Variants in RILPL2 observed in about 807,000 individuals in gnomAD.
RILPL2 encodes the protein RILP-like protein 2.
Under a neutral mutation model 22.2 loss-of-function variants are expected in RILPL2, and 19 were observed. The ratio of observed to expected loss-of-function variants is 0.86; its 90% CI spans 0.60 to 1.25. RILPL2 has a LOEUF of 1.25. Among genes scored for constraint, RILPL2 ranks in the 50% most tolerant of loss-of-function variants. The probability of loss-of-function intolerance (pLI) is 0.00; values close to 1 mark genes in which losing one functional copy is unlikely to be tolerated. For synonymous variants in RILPL2, 123 were observed against 111.6 expected (o/e 1.10, Z -0.64); for missense variants, 243 against 263.6 (o/e 0.92, Z 0.54).
Position 123,436,045 on chromosome 12 carries a change from G to A in RILPL2, c.339+37C>T, listed in dbSNP as rs1180048531. The A allele has an allele frequency of 6.5e-7, 1 of 1,543,910 alleles. No homozygotes were observed. Among genetic ancestry groups the A allele is most frequent in the Admixed American group, 2.0e-5 (1 of 50,640 alleles). On this transcript the variant is annotated intron_variant, in intron 1 of 3. Coordinates refer to ENST00000280571, the MANE Select transcript of RILPL2 (RefSeq NM_145058.3). This position sits in a 1 kb window ranked among gnomAD's most constrained non-coding sequence, Gnocchi z 6.7. The stretch of plus-strand genomic sequence containing the variant: ...AGTAGGTGCCCTCCTACGCCCCGCA[G>A]GCGCCGTGGGCCCGGAACCCTCGCT...
intron 3 of RILPL2, among the ~76,000 whole-genome samples, chr12:123,419,988 G>A (rs1005517769): frequency 4.3e-5 from 6 of 141,084 alleles, no homozygotes; most frequent in African/African-American, 1.6e-4. Context: ...ACCACACCCA[G>A]CTAATTTTTG....
intron 1 of RILPL2, among the ~76,000 whole-genome samples, chr12:123,434,397 G>C (rs2139255704): frequency 6.6e-6 from 1 of 151,870 alleles, no homozygotes; most frequent in East Asian, 1.9e-4. Flanking sequence ...CAGCCTGGAT[G>C]ACAGAGAAAG....
intron 3 of RILPL2, among the ~76,000 whole-genome samples, chr12:123,422,026 A>T (rs1288101784): frequency 8.2e-6 from 1 of 122,310 alleles, no homozygotes; most frequent in African/African-American, 3.1e-5. Flanking sequence ...TTTTTGAGAT[A>T]GGGTCACGCT....
Position 123,415,551 on chromosome 12 carries a change from C to T in RILPL2, c.*340G>A. ...TCTGCTAACCATTGAAGACCAGGGT[C>T]ATCCGTGGGAGCAGATGAGTAGGAC... On this transcript the variant is annotated 3_prime_UTR_variant, in exon 4 of 4. Coordinates refer to ENST00000280571, the MANE Select transcript of RILPL2 (RefSeq NM_145058.3). The T allele has an allele frequency of 3.1e-6, 1 of 318,454 alleles. No individual in the cohort carries two copies. Among genetic ancestry groups the T allele is most frequent in the East Asian group, 5.4e-5 (1 of 18,562 alleles). 19.7% of individuals were successfully genotyped at this position (318,454 alleles called of 1,614,324 possible).
chr12:123,424,878 A>T (rs1447369949), intron 2 of RILPL2, among the ~76,000 whole-genome samples: 2 of 151,612 alleles, frequency 1.3e-5, no homozygotes, highest in Non-Finnish European at 2.9e-5. Context: ...ATTTTTAAAA[A>T]TTTTCATTTA....
intron 3 of RILPL2, among the ~76,000 whole-genome samples, chr12:123,419,089 C>T (rs1355075560): frequency 6.6e-6 from 1 of 150,826 alleles, no homozygotes; most frequent in East Asian, 1.9e-4. Flanking sequence ...CGGCTCACTG[C>T]AAGCTCTGCC....
At chr12:123,416,016 G>A (rs1879107371) in intron 3 of RILPL2, 95 bp from the exon 4 acceptor site, 8 of 1,251,506 alleles carry the variant, frequency 6.4e-6, no homozygotes, top group Non-Finnish European at 9.4e-6. Context: ...TCTTGCAGCT[G>A]TTGACTCAAA....
chr12:123,427,204 G>A (rs1175410902), intron 2 of RILPL2, among the ~76,000 whole-genome samples: 1 of 152,112 alleles, frequency 6.6e-6, no homozygotes, highest in Non-Finnish European at 1.5e-5. Flanking sequence ...TGCACAGCTG[G>A]GGCTGTCAGC....
chr12:123,420,457 G>A (rs1166917695), intron 3 of RILPL2, among the ~76,000 whole-genome samples: 1 of 150,060 alleles, frequency 6.7e-6, no homozygotes, highest in Non-Finnish European at 1.5e-5. Context: ...TTTTTTTTGA[G>A]ACAGAGTCTC....
intron 1 of RILPL2, among the ~76,000 whole-genome samples, chr12:123,431,474 T>C (rs1004459944): frequency 3.9e-5 from 6 of 152,030 alleles, no homozygotes; most frequent in Non-Finnish European, 7.4e-5. Flanking sequence ...AGACGGATGG[T>C]GGTGATGGCT....
chr12:123,426,925 CTTT>C (rs398056032), intron 2 of RILPL2, among the ~76,000 whole-genome samples: 2 of 141,210 alleles, frequency 1.4e-5, no homozygotes, highest in African/African-American at 2.6e-5. Flanking sequence ...AATTGGCTTT[CTTT>C]TTTTTTTTTT....
chr12:123,431,246 G>A (rs1879639411), intron 1 of RILPL2, among the ~76,000 whole-genome samples: 1 of 152,204 alleles, frequency 6.6e-6, no homozygotes, highest in African/African-American at 2.4e-5. Flanking sequence ...ATTCTGACAT[G>A]TGCCACAACA....
chr12:123,430,448 A>T lies in RILPL2; in HGVS notation c.491+60T>A, dbSNP rs879225762. 8 of 1,484,650 alleles carry T rather than the reference A, an allele frequency of 5.4e-6. No homozygotes were observed. In the South Asian group the frequency reaches 8.9e-5, roughly 17 times the overall value. 92.0% of individuals were successfully genotyped at this position (1,484,650 alleles called of 1,614,324 possible). A position where few individuals can be genotyped will look rare whatever the true frequency, so the allele number is the denominator to read the frequency against. On this transcript the variant is annotated intron_variant, in intron 2 of 3. Transcript: ENST00000280571. Reference sequence around the variant, plus strand: ...AAAACAAAACAAAAACAAATATGTAACCTAGCAAGGAATTCTGGGCCAGGT... The same window carrying T: ...AAAACAAAACAAAAACAAATATGTATCCTAGCAAGGAATTCTGGGCCAGGT...
chr12:123,411,244 T>C (rs1182987954), downstream of RILPL2: 5 of 152,144 alleles, frequency 3.3e-5, no homozygotes, highest in African/African-American at 1.2e-4. Context: ...GGTTTCACCA[T>C]GTTGGCCAGG....
intron 2 of RILPL2, among the ~76,000 whole-genome samples, chr12:123,429,384 C>T (rs1879540499): frequency 6.6e-6 from 1 of 152,138 alleles, no homozygotes. Flanking sequence ...CAACCTCCGC[C>T]TTCTGGTTTC....
intron 1 of RILPL2, among the ~76,000 whole-genome samples, chr12:123,434,691 G>A (rs1593497009): frequency 1.3e-5 from 2 of 152,010 alleles, no homozygotes; most frequent in South Asian, 4.1e-4. Context: ...CTCCCAAAGT[G>A]CTGGGATTAC....
intron 3 of RILPL2, among the ~76,000 whole-genome samples, chr12:123,422,416 T>A (rs1879312109): frequency 6.6e-6 from 1 of 152,148 alleles, no homozygotes; most frequent in Non-Finnish European, 1.5e-5. Flanking sequence ...CTCAGTAGGC[T>A]GAGGCAGGAG....
downstream of RILPL2, chr12:123,414,978 G>A (rs1025220270): frequency 6.7e-6 from 1 of 149,928 alleles, no homozygotes; most frequent in Middle Eastern, 3.5e-3. Context: ...ACCGGTACCG[G>A]TCCCCATCTC....
chr12:123,433,296 G>A (rs1300994598), intron 1 of RILPL2, among the ~76,000 whole-genome samples: 2 of 151,976 alleles, frequency 1.3e-5, no homozygotes, highest in African/African-American at 4.8e-5. Context: ...TAGTAGACAC[G>A]GGGTATGTTG....
Sources: allele counts gnomAD v4.1 joint callset (sites outside exome capture counted in the v4.1 genomes callset), GRCh38; gene constraint gnomAD v4.1.1; non-coding constraint Gnocchi (gnomAD v3.1); transcripts MANE v1.5; gene names NCBI Gene and HGNC (gene_info 2026-07-23, HGNC 2026-07-21).